The following CAMTA2 variants were observed in gnomAD, a reference collection of about 807,000 sequenced individuals.
CAMTA2 encodes the protein calmodulin binding transcription activator 2, also known as calmodulin-binding transcription activator 2.
In CAMTA2, 56 loss-of-function variants were observed where a neutral mutation model predicts 135.7. The observed-to-expected ratio is 0.41, with a 90% CI of 0.33 to 0.52. The LOEUF is 0.52. CAMTA2 is among the 20% of genes least tolerant of loss of function. CAMTA2 has a pLI of 0.16. For synonymous variants in CAMTA2, 591 were observed against 604.6 expected, an observed-to-expected ratio of 0.98 and a Z score of 0.33; for missense variants, 1,358 against 1,553.4, an observed-to-expected ratio of 0.87 and a Z score of 2.11.
rs1364588307 is a variant in CAMTA2 at position 4,970,538 on chromosome 17, TGGAAGAA to T, written c.2809-9_2809-3del. 6.2e-7 allele frequency: 1 copy of T among 1,607,670 alleles called. No individual in the cohort carries two copies. The highest frequency in any genetic ancestry group is 2.2e-5 in the East Asian group (1 of 44,834). On this transcript the variant is annotated splice_region_variant and splice_polypyrimidine_tract_variant and intron_variant, in intron 16 of 22. Transcript: ENST00000348066. ...CTTGGCTAGTGAGATCATGTCCACC[TGGAAGAA>T]GGGAGAAGCTGAGTGAGTCCTTAGG...
intron 11 of CAMTA2, among the ~76,000 whole-genome samples, chr17:4,975,048 A>G (rs1972531311): frequency 6.6e-6 from 1 of 152,160 alleles, no homozygotes; most frequent in Admixed American, 6.5e-5. Context: ...ATGGATAGCC[A>G]TATAGCCATG....
At chr17:4,986,034 G>A (rs760842447) in intron 2 of CAMTA2, 51 bp from the exon 3 acceptor site, 41 of 1,367,094 alleles carry the variant, frequency 3.0e-5, no homozygotes, top group Middle Eastern at 3.6e-4. Flanking sequence ...GGGCATCCCT[G>A]TGATAGTCCA....
Position 4,987,662 on chromosome 17 carries a change from T to G in CAMTA2, c.-134A>C, listed in dbSNP as rs1293656047. On this transcript the variant is annotated 5_prime_UTR_variant, in exon 1 of 23. Coordinates refer to ENST00000348066, the MANE Select transcript of CAMTA2 (RefSeq NM_015099.4). ...CACACCGACCCCCCCCAGCGCCGGC[T>G]GACAGCGGCGTCTAACGTCACTGCG... is the stretch of plus-strand genomic sequence containing the variant. 2 of 1,519,660 alleles carry G rather than the reference T, an allele frequency of 1.3e-6. No individual in the cohort carries two copies. Among genetic ancestry groups the G allele is most frequent in the Non-Finnish European group, 1.8e-6 (2 of 1,138,258 alleles). The allele number at this position is 1,519,660 out of a possible 1,614,324, so 94.1% of individuals were successfully genotyped here.
At chr17:4,982,209 C>G in intron 5 of CAMTA2, 49 bp from the exon 6 acceptor site, 1 of 1,162,812 alleles carries the variant, frequency 8.6e-7, no homozygotes, top group East Asian at 2.3e-5. Flanking sequence ...TGCTCCCCAA[C>G]TCTTCCTCTG....
intron 3 of CAMTA2, among the ~76,000 whole-genome samples, chr17:4,984,891 C>T (rs370521974): frequency 1.3e-5 from 2 of 152,164 alleles, no homozygotes; most frequent in East Asian, 3.8e-4. Flanking sequence ...TGGTGGCGTG[C>T]CTGTAGTCCC....
In CAMTA2 at chr17:4,980,620, A is replaced by C; in HGVS notation, c.702T>G (p.Gly234=). 1 of 1,613,354 alleles carries C rather than the reference A, an allele frequency of 6.2e-7. No individual in the cohort carries two copies. The highest frequency in any genetic ancestry group is 8.5e-7 in the Non-Finnish European group (1 of 1,179,452). Reference sequence around the variant, plus strand: ...TGCATTTGTGGGTAAGGCTCCCAGAACCTGGAGTGGAGAGGAGTAGGAGGG... The same window carrying C: ...TGCATTTGTGGGTAAGGCTCCCAGACCCTGGAGTGGAGAGGAGTAGGAGGG... ...THACLCSGGL[G]SGSLTHKCSS... is the part of the protein sequence containing the mutation. The change falls in exon 9 of 23, where the codon GGT becomes GGG. Residue 234 remains glycine, a splice_region_variant and synonymous_variant. Coordinates refer to ENST00000348066, the MANE Select transcript of CAMTA2 (RefSeq NM_015099.4). This position sits in a 1 kb window ranked among gnomAD's most constrained non-coding sequence, Gnocchi z 5.3.
At chr17:4,977,587 G>C (rs1972690663) in intron 10 of CAMTA2, among the ~76,000 whole-genome samples, 1 of 152,230 alleles carries the variant, frequency 6.6e-6, no homozygotes, top group African/African-American at 2.4e-5. Flanking sequence ...CATGAACAGT[G>C]TCCAGTGGCC....
At position 4,981,677 on chromosome 17, in the gene CAMTA2, C is replaced by A; in HGVS notation, c.565+1G>T. The A allele has an allele frequency of 6.3e-7, 1 of 1,596,694 alleles. No homozygotes were observed. The highest frequency in any genetic ancestry group is 8.5e-7 in the Non-Finnish European group (1 of 1,170,484). ...GCTCTATCCCCACCCTGCTGCCTTA[C>A]ACATGGGCTTCAGCTGTCCCAACAA... On this transcript the variant is annotated splice_donor_variant, in intron 7 of 22. Coordinates refer to ENST00000348066, the MANE Select transcript of CAMTA2 (RefSeq NM_015099.4). LOFTEE classifies it high-confidence loss of function.
chr17:4,973,150 G>A lies in CAMTA2; in HGVS notation c.2280+25C>T, dbSNP rs1300695739. 3.1e-6 allele frequency: 5 copies of A among 1,601,578 alleles called. No individual in the cohort carries two copies. The South Asian group carries it at 5.5e-5, about 18-fold the overall frequency. On this transcript the variant is annotated intron_variant, in intron 14 of 22. Transcript: ENST00000348066. ...GTTCCCATTGCTCCCTGCCCCATATGCGCTCAGGAATCCGTCATCCTCACC... is the reference window on the plus strand; with the variant it reads ...GTTCCCATTGCTCCCTGCCCCATATACGCTCAGGAATCCGTCATCCTCACC...
Position 4,974,667 on chromosome 17 carries a change from G to A in CAMTA2, c.1901-167C>T. 6.9e-6 allele frequency: 4 copies of A among 577,398 alleles called. No individual in the cohort carries two copies. In the Admixed American group the frequency reaches 8.9e-5, roughly 13 times the overall value. The allele number at this position is 577,398 out of a possible 1,614,324, so 35.8% of individuals were successfully genotyped here. ...CCTTCACCTAAATAAAGCCCACCAG[G>A]ACTCAGTCCTTAAACTAGGGCTGTT... On this transcript the variant is annotated intron_variant, in intron 11 of 22. Transcript: ENST00000348066.
chr17:4,984,944 G>T (rs1957530374), intron 3 of CAMTA2, among the ~76,000 whole-genome samples: 1 of 151,988 alleles, frequency 6.6e-6, no homozygotes, highest in East Asian at 1.9e-4. Flanking sequence ...GTAAACCTGG[G>T]AGGCAGAGCT....
At position 4,979,804 on chromosome 17, in the gene CAMTA2, G is replaced by A. The variant is rs745449789; in HGVS notation, c.1518C>T (p.Phe506=). ...TGATGAGTTCTCCCATAAGGTCTGG[G>A]AATGATGAAAGACTGAAGGGCTCCA... ...SELEPFSLSS[F]PDLMGELISD... is the part of the protein sequence containing the mutation. The change falls in exon 9 of 23, where the codon TTC becomes TTT. Residue 506 remains phenylalanine, a synonymous_variant. Coordinates refer to ENST00000348066, the MANE Select transcript of CAMTA2 (RefSeq NM_015099.4). The A allele has an allele frequency of 1.1e-5, 17 of 1,613,746 alleles. No individual in the cohort carries two copies. Among genetic ancestry groups the A allele is most frequent in the Admixed American group, 3.3e-5 (2 of 59,988 alleles).
intron 10 of CAMTA2, 96 bp from the exon 11 acceptor site, chr17:4,977,288 C>G: frequency 6.8e-7 from 1 of 1,471,106 alleles, no homozygotes; most frequent in Non-Finnish European, 9.2e-7. Flanking sequence ...TAGTTATTTC[C>G]CCTACTGCCC....
chr17:4,980,059 G>A lies in CAMTA2; in HGVS notation c.1263C>T (p.Pro421=), dbSNP rs1567694988. The change falls in exon 9 of 23, where the codon CCC becomes CCT. Residue 421 remains proline (P), a synonymous_variant. Coordinates refer to ENST00000348066, the MANE Select transcript of CAMTA2 (RefSeq NM_015099.4). The surrounding 1 kb of genome is among the most constrained non-coding windows in gnomAD (Gnocchi z 5.3). ...GTGGGGGACCCCGAGCAGCTGCCTGGGGCTCCAGGGCAGCAGCAGGCTCTA... is the reference window on the plus strand; with the variant it reads ...GTGGGGGACCCCGAGCAGCTGCCTGAGGCTCCAGGGCAGCAGCAGGCTCTA... ...SALEPAAALE[P]QAAARGPPPQ... The A allele has an allele frequency of 6.2e-7, 1 of 1,613,784 alleles. No homozygotes were observed. Among genetic ancestry groups the A allele is most frequent in the Non-Finnish European group, 8.5e-7 (1 of 1,179,892 alleles).
intron 3 of CAMTA2, among the ~76,000 whole-genome samples, chr17:4,984,038 C>A (rs1202287646): frequency 6.6e-6 from 1 of 152,190 alleles, no homozygotes; most frequent in Non-Finnish European, 1.5e-5. Flanking sequence ...GCAAGCTCTT[C>A]CTCCTGGGTT....
chr17:4,976,498 G>A (rs1346166660), intron 11 of CAMTA2, among the ~76,000 whole-genome samples: 9 of 151,696 alleles, frequency 5.9e-5, no homozygotes, highest in African/African-American at 1.7e-4. Flanking sequence ...TCAGGAGTTT[G>A]AGACCAGCCT....
At position 4,968,080 on chromosome 17, in the gene CAMTA2, C is replaced by G. The variant is rs946995116; in HGVS notation, c.*676G>C. ...TGCCCGTGGAGCCGGCAGGAGGCCC[C>G]CGCCGCGCTAGAGAACCACAAGCCC... On this transcript the variant is annotated 3_prime_UTR_variant, in exon 23 of 23. Transcript: ENST00000348066. The G allele has an allele frequency of 7.9e-6, 4 of 505,182 alleles. No homozygotes were observed. Among genetic ancestry groups the G allele is most frequent in the Non-Finnish European group, 1.4e-5 (4 of 281,906 alleles). The allele number at this position is 505,182 out of a possible 1,614,324, so 31.3% of individuals were successfully genotyped here.
chr17:4,972,183 C>T, intron 16 of CAMTA2, 49 bp downstream of exon 16: 2 of 1,502,982 alleles, frequency 1.3e-6, no homozygotes, highest in Non-Finnish European at 1.8e-6. Flanking sequence ...CGGCCTCACC[C>T]TTCCTACTCC....
intron 5 of CAMTA2, 32 bp from the exon 6 acceptor site, chr17:4,982,192 G>GGCCCCCC: frequency 1.8e-6 from 1 of 542,218 alleles, no homozygotes; most frequent in Non-Finnish European, 3.7e-6. Flanking sequence ...TGGGGGGAGG[G>GGCCCCCC]CTAGTCTGCT....
Sources: allele counts gnomAD v4.1 joint callset (sites outside exome capture counted in the v4.1 genomes callset), GRCh38; gene constraint gnomAD v4.1.1; non-coding constraint Gnocchi (gnomAD v3.1); transcripts MANE v1.5; gene names NCBI Gene and HGNC (gene_info 2026-07-23, HGNC 2026-07-21).